Variants in WNT7B observed in about 807,000 individuals in gnomAD.
WNT7B encodes the protein Wnt family member 7B.
WNT7B carries 19 observed loss-of-function variants against 38.2 expected under a neutral mutation model. The ratio of observed to expected loss-of-function variants is 0.50; its 90% confidence interval spans 0.35 to 0.73. WNT7B has a LOEUF of 0.73. Ranked by LOEUF, WNT7B falls within the 30% of genes least tolerant of loss-of-function variation. The pLI is 0.01. For missense variants in WNT7B, 423 were observed against 507.9 expected (o/e 0.83, Z 1.61); for synonymous variants, 243 against 209.3 (o/e 1.16, Z -1.39).
At chr22:45,955,793 C>T (rs531743781) in intron 1 of WNT7B, among the ~76,000 whole-genome samples, 3 of 152,274 alleles carry the variant, frequency 2.0e-5, no homozygotes, top group African/African-American at 7.2e-5. Flanking sequence ...AAGAGTTTAG[C>T]CCTGCAGACA....
intron 1 of WNT7B, among the ~76,000 whole-genome samples, chr22:45,952,136 C>G (rs912523229): frequency 6.6e-6 from 1 of 152,216 alleles, no homozygotes; most frequent in Non-Finnish European, 1.5e-5. Flanking sequence ...TTGGGGGGAC[C>G]GCCGGGGGCT....
chr22:45,942,889 G>A (rs1931687938), intron 2 of WNT7B, among the ~76,000 whole-genome samples: 2 of 151,116 alleles, frequency 1.3e-5, no homozygotes, highest in East Asian at 2.0e-4. Flanking sequence ...GCATGTATGT[G>A]CGTGTGTGTG....
At position 45,975,253 on chromosome 22, in the gene WNT7B, A is replaced by G. The variant is rs916146946; in HGVS notation, c.71+1431T>C. Among the ~76,000 whole-genome samples the G allele has an allele frequency of 6.6e-6, 1 of 152,162 alleles. No individual in the cohort carries two copies. Among genetic ancestry groups the G allele is most frequent in the East Asian group, 1.9e-4 (1 of 5,194 alleles). ...GGACAAAGCCTCATTAAGGGTTGCC[A>G]TCACTTTGAGGGGCCCAGCGGGAGT... is the stretch of plus-strand genomic sequence containing the variant. On this transcript the variant is annotated intron_variant, in intron 1 of 3. Coordinates refer to ENST00000339464, the MANE Select transcript of WNT7B (RefSeq NM_058238.3). The surrounding 1 kb of genome is among the most constrained non-coding windows in gnomAD (Gnocchi z 6.6).
At chr22:45,932,077 G>A (rs1931381335) in intron 2 of WNT7B, among the ~76,000 whole-genome samples, 1 of 152,142 alleles carries the variant, frequency 6.6e-6, no homozygotes, top group African/African-American at 2.4e-5. Flanking sequence ...TTGGGCAGCA[G>A]TCCTCCCTGC....
chr22:45,927,004 G>C (rs1601714406), intron 3 of WNT7B: 1 of 985,452 alleles, frequency 1.0e-6, no homozygotes, highest in Non-Finnish European at 1.2e-6. Context: ...AGGAGCTGGT[G>C]GAACTCCACA....
chr22:45,972,192 G>A (rs1370206133), intron 1 of WNT7B: 1 of 651,386 alleles, frequency 1.5e-6, no homozygotes, highest in South Asian at 1.6e-5. Flanking sequence ...AAGATCTGCG[G>A]GCAATAGACG....
intron 2 of WNT7B, chr22:45,935,932 G>A (rs1931504228): frequency 1.0e-6 from 1 of 985,168 alleles, no homozygotes; most frequent in South Asian, 4.7e-5. Context: ...TGTCCTGCTG[G>A]TACACTTGGG....
chr22:45,972,046 G>C (rs1265439104), intron 1 of WNT7B: 2 of 472,872 alleles, frequency 4.2e-6, no homozygotes, highest in Non-Finnish European at 7.4e-6. Flanking sequence ...CGGTCACCCG[G>C]TGCCCCGCCC....
At chr22:45,930,446 C>T (rs530666580) in intron 3 of WNT7B, among the ~76,000 whole-genome samples, 1 of 152,368 alleles carries the variant, frequency 6.6e-6, no homozygotes, top group Non-Finnish European at 1.5e-5. Flanking sequence ...CTCAGGCCAT[C>T]TTGCCGCCGT....
chr22:45,923,847 C>A (rs989820243), intron 3 of WNT7B, among the ~76,000 whole-genome samples: 1 of 152,158 alleles, frequency 6.6e-6, no homozygotes, highest in East Asian at 1.9e-4. Flanking sequence ...CCTGGTGTGC[C>A]GGTGGCCCTC....
Position 45,950,074 on chromosome 22 carries a change from C to A in WNT7B, c.144G>T (p.Gln48His). ...CGGGCCGACTCTGGCAGATGGCACGCTGCCGCGGGGCTAGGCCAGGAATCT... is the reference window on the plus strand; with the variant it reads ...CGGGCCGACTCTGGCAGATGGCACGATGCCGCGGGGCTAGGCCAGGAATCT... ...CNKIPGLAPR[Q>H]RAICQSRPDA... Residue 48 changes from glutamine to histidine, a missense_variant, in exon 2 of 4, where the codon CAG (glutamine) becomes CAT (histidine). Transcript: ENST00000339464. 6.2e-7 allele frequency: 1 copy of A among 1,614,062 alleles called. No individual in the cohort carries two copies. The highest frequency in any genetic ancestry group is 8.5e-7 in the Non-Finnish European group (1 of 1,180,040).
chr22:45,972,726 CT>C (rs1477116734), intron 1 of WNT7B: 1 of 152,298 alleles, frequency 6.6e-6, no homozygotes, highest in Non-Finnish European at 1.5e-5. Context: ...GTACCCCCAC[CT>C]TTAGGGAGCC....
intron 1 of WNT7B, among the ~76,000 whole-genome samples, chr22:45,970,088 A>AAACAAACC (rs1390544841): frequency 1.3e-5 from 2 of 152,098 alleles, no homozygotes; most frequent in Non-Finnish European, 2.9e-5. Flanking sequence ...TGCGCCCACC[A>AAACAAACC]AACAAACCGG....
chr22:45,942,450 G>C (rs116490300), intron 2 of WNT7B, among the ~76,000 whole-genome samples: 1 of 152,360 alleles, frequency 6.6e-6, no homozygotes, highest in South Asian at 2.1e-4. Context: ...TGGGGACATC[G>C]GGGTGGAGGC....
At chr22:45,973,016 A>AAC (rs1230766996) in intron 1 of WNT7B, among the ~76,000 whole-genome samples, 1 of 152,224 alleles carries the variant, frequency 6.6e-6, no homozygotes, top group East Asian at 1.9e-4. Flanking sequence ...TGCCATGGCT[A>AAC]ACCAGGCCCA....
chr22:45,960,387 G>A lies in WNT7B; in HGVS notation c.72-10241C>T, dbSNP rs145057392. ...GCTGTCCTAAGGCCACTGTGTCAGCGGCAGACTCCCCAGGGCAGGGGTCCC... is the reference window on the plus strand; with the variant it reads ...GCTGTCCTAAGGCCACTGTGTCAGCAGCAGACTCCCCAGGGCAGGGGTCCC... On this transcript the variant is annotated intron_variant, in intron 1 of 3. Transcript: ENST00000339464. Among the ~76,000 whole-genome samples, 671 of 152,236 alleles carry A rather than the reference G, an allele frequency of 4.4e-3. 4 individuals are homozygous for A. The highest frequency in any genetic ancestry group is 7.7e-3 in the Admixed American group (118 of 15,302).
chr22:45,970,053 C>A (rs1203607323), intron 1 of WNT7B, among the ~76,000 whole-genome samples: 2 of 152,216 alleles, frequency 1.3e-5, no homozygotes, highest in African/African-American at 4.8e-5. Context: ...ATCGCGCAGG[C>A]CCTACTCCCA....
At chr22:45,933,269 C>T (rs28605102) in intron 2 of WNT7B, among the ~76,000 whole-genome samples, 53,703 of 152,034 alleles carry the variant, frequency 0.35, 9,534 homozygotes, top group Admixed American at 0.4. Flanking sequence ...AGGTCCGAGA[C>T]TGCAATGATC....
In WNT7B at chr22:45,949,804, T is replaced by A. The variant is rs997700398; in HGVS notation, c.298+116A>T. The A allele has an allele frequency of 1.3e-5, 13 of 1,009,368 alleles. No homozygotes were observed. The Admixed American group carries it at 2.9e-4, about 23-fold the overall frequency. The allele number at this position is 1,009,368 out of a possible 1,614,324, so 62.5% of individuals were successfully genotyped here. ...AAGGGCTCACAGGAAGGCAAAGAAA[T>A]TGGCCCCCCAGGAGATGTGTGCAGA... On this transcript the variant is annotated intron_variant, in intron 2 of 3. Transcript: ENST00000339464.
Sources: gnomAD v4.1 joint callset for allele counts (sites outside exome capture counted in the v4.1 genomes callset) on GRCh38, gnomAD v4.1.1 for gene constraint, Gnocchi (gnomAD v3.1) non-coding constraint, MANE v1.5 for transcripts, NCBI Gene and HGNC (gene_info 2026-07-23, HGNC 2026-07-21) for gene names.